The following BCAS3 variants were observed in gnomAD, a reference collection of about 807,000 sequenced individuals.
BCAS3 encodes BCAS3 microtubule associated cell migration factor.
Under a neutral mutation model 116.1 loss-of-function variants are expected in BCAS3, and 53 were observed. The observed-to-expected ratio is 0.46, with a 90% CI of 0.37 to 0.57. The LOEUF (loss-of-function observed/expected upper bound fraction) is 0.57, where lower values mean the gene tolerates loss of function less well. BCAS3 is among the 20% of genes least tolerant of loss of function. BCAS3 has a pLI of 0.00. For synonymous variants in BCAS3, 391 were observed against 408.2 expected, an observed-to-expected ratio of 0.96 and a Z score of 0.51; for missense variants, 917 against 1,165.4, an observed-to-expected ratio of 0.79 and a Z score of 3.10.
At chr17:60,874,635 C>T (rs771608528) in intron 8 of BCAS3, 27 bp from the exon 9 acceptor site, 5 of 1,530,774 alleles carry the variant, frequency 3.3e-6, no homozygotes, top group Admixed American at 3.5e-5. Context: ...TTTTTTCTTT[C>T]TGTTTTTTTT....
intron 22 of BCAS3, among the ~76,000 whole-genome samples, chr17:61,232,746 G>A (rs183329548): frequency 2.0e-5 from 3 of 152,060 alleles, no homozygotes; most frequent in Admixed American, 6.5e-5. Flanking sequence ...GCTCTTCGTC[G>A]GCCTCTTCAA....
At chr17:60,753,505 G>A (rs1025319657) in intron 6 of BCAS3, among the ~76,000 whole-genome samples, 1 of 151,722 alleles carries the variant, frequency 6.6e-6, no homozygotes, top group African/African-American at 2.4e-5. Flanking sequence ...TGCCTCCCGG[G>A]TTCCCGCCAT....
chr17:61,363,481 C>G lies in BCAS3; in HGVS notation c.2426-4846C>G, dbSNP rs149040357. 1.3e-5 allele frequency among the ~76,000 whole-genome samples: 2 copies of G among 152,020 alleles called. No individual in the cohort carries two copies. The highest frequency in any genetic ancestry group is 2.4e-5 in the African/African-American group (1 of 41,468). On this transcript the variant is annotated intron_variant, in intron 22 of 23. Transcript: ENST00000407086. The surrounding 1 kb of genome is among the most constrained non-coding windows in gnomAD (Gnocchi z 4.9). ...CCAGATGCCTCATGTCTCTGAAACT[C>G]AGTAAGATGGAAACCTATACAATGG...
At chr17:61,221,488 G>A (rs1249243627) in intron 22 of BCAS3, among the ~76,000 whole-genome samples, 1 of 152,166 alleles carries the variant, frequency 6.6e-6, no homozygotes, top group African/African-American at 2.4e-5. Flanking sequence ...ACCAGCAGAG[G>A]CATGACTTTA....
chr17:60,829,541 A>G (rs1464859690), intron 7 of BCAS3, among the ~76,000 whole-genome samples: 1 of 151,340 alleles, frequency 6.6e-6, no homozygotes, highest in East Asian at 1.9e-4. Context: ...GTTGGACAGG[A>G]CAGTGGTGTT....
chr17:61,301,220 T>C (rs770006744), intron 22 of BCAS3, among the ~76,000 whole-genome samples: 19 of 152,226 alleles, frequency 1.2e-4, no homozygotes, highest in Non-Finnish European at 1.8e-4. Context: ...AGCAGCAGAA[T>C]TGAATAGCTG....
rs1243516272 is a variant in BCAS3, at chr17:61,095,763, G to T, written c.2425+11199G>T. Among the ~76,000 whole-genome samples, 1 of 151,922 alleles carries T rather than the reference G, an allele frequency of 6.6e-6. No homozygotes were observed. Among genetic ancestry groups the T allele is most frequent in the Non-Finnish European group, 1.5e-5 (1 of 68,000 alleles). ...ATTACAGGTATTAGCCACCGCACCT[G>T]ACTGGGGTCCTGAGTTTTTTTAAGC... is the stretch of plus-strand genomic sequence containing the variant. On this transcript the variant is annotated intron_variant, in intron 22 of 23. Transcript: ENST00000407086. The surrounding 1 kb of genome is among the most constrained non-coding windows in gnomAD (Gnocchi z 4.7).
At chr17:61,240,608 T>C (rs1301244343) in intron 22 of BCAS3, among the ~76,000 whole-genome samples, 1 of 152,214 alleles carries the variant, frequency 6.6e-6, no homozygotes, top group Non-Finnish European at 1.5e-5. Context: ...GAGCTGAGAT[T>C]GTGCCACTGC....
In BCAS3 at chr17:61,141,356, G is replaced by C. The variant is rs1461487466; in HGVS notation, c.2425+56792G>C. 4.6e-5 allele frequency among the ~76,000 whole-genome samples: 7 copies of C among 152,096 alleles called. No homozygotes were observed. The highest frequency in any genetic ancestry group is 1.0e-4 in the Non-Finnish European group (7 of 68,012). ...GAGGACCGCTTGAGACCAGGAATTT[G>C]AGACCAGTCTGGGCAACATACCAAG... On this transcript the variant is annotated intron_variant, in intron 22 of 23. Transcript: ENST00000407086. This position sits in a 1 kb window ranked among gnomAD's most constrained non-coding sequence, Gnocchi z 4.3.
rs2066275540 is a variant in BCAS3 at position 61,026,773 on chromosome 17, C to A, written c.1638-7893C>A. On this transcript the variant is annotated intron_variant, in intron 16 of 23. Coordinates refer to ENST00000407086, the MANE Select transcript of BCAS3 (RefSeq NM_017679.5). This position sits in a 1 kb window ranked among gnomAD's most constrained non-coding sequence, Gnocchi z 5.0. Reference sequence around the variant, plus strand: ...TACTAATTTTTTAGTTATTTTTATCCATACTCTATAACAGTATGATATACT... The same window carrying A: ...TACTAATTTTTTAGTTATTTTTATCAATACTCTATAACAGTATGATATACT... 5.1e-6 allele frequency: 6 copies of A among 1,165,186 alleles called. No individual in the cohort carries two copies. The highest frequency in any genetic ancestry group is 1.5e-5 in the African/African-American group (1 of 64,790). 72.2% of individuals were successfully genotyped at this position (1,165,186 alleles called of 1,614,324 possible).
intron 4 of BCAS3, among the ~76,000 whole-genome samples, chr17:60,707,333 G>A (rs898955111): frequency 6.6e-6 from 1 of 152,078 alleles, no homozygotes; most frequent in Non-Finnish European, 1.5e-5. Flanking sequence ...TCGCCATGTT[G>A]CCCAGGCTGG....
chr17:61,340,018 C>T (rs895089034), intron 22 of BCAS3, among the ~76,000 whole-genome samples: 39 of 151,936 alleles, frequency 2.6e-4, no homozygotes, highest in African/African-American at 9.0e-4. Context: ...GAAACGGGGA[C>T]GACATTAACT....
intron 19 of BCAS3, among the ~76,000 whole-genome samples, chr17:61,055,715 C>A (rs1243277483): frequency 6.6e-6 from 1 of 151,700 alleles, no homozygotes; most frequent in East Asian, 1.9e-4. Context: ...ATTTTTTTTT[C>A]TCTGTTCTTA....
At position 61,249,245 on chromosome 17, in the gene BCAS3, C is replaced by T. The variant is rs897123951; in HGVS notation, c.2426-119082C>T. Among the ~76,000 whole-genome samples the T allele has an allele frequency of 5.3e-5, 8 of 152,156 alleles. No individual in the cohort carries two copies. The highest frequency in any genetic ancestry group is 1.9e-4 in the African/African-American group (8 of 41,424). On this transcript the variant is annotated intron_variant, in intron 22 of 23. Coordinates refer to ENST00000407086, the MANE Select transcript of BCAS3 (RefSeq NM_017679.5). The surrounding 1 kb of genome is among the most constrained non-coding windows in gnomAD (Gnocchi z 6.2). ...GAGGCTGCAGTGAGCCGAGATCACA[C>T]CACTGCACTCCAGCCTGGGCAACAA...
chr17:61,371,073 G>C (rs920934291), intron 23 of BCAS3, among the ~76,000 whole-genome samples: 1 of 152,176 alleles, frequency 6.6e-6, no homozygotes, highest in African/African-American at 2.4e-5. Flanking sequence ...TTAATGCTTT[G>C]CAGCAGGCAC....
rs556047105 is a variant in BCAS3 at position 60,979,195 on chromosome 17, G to T, written c.1222-10776G>T. Among the ~76,000 whole-genome samples the T allele has an allele frequency of 3.4e-4, 51 of 151,438 alleles. 2 individuals are homozygous for T. In the South Asian group the frequency reaches 0.011, roughly 32 times the overall value. ...TTATTTCCTCGAGCAGTGGTTTGTA[G>T]TTCTCCTTGAAGAGGTCCTTCACAT... is the stretch of plus-strand genomic sequence containing the variant. On this transcript the variant is annotated intron_variant, in intron 14 of 23. Coordinates refer to ENST00000407086, the MANE Select transcript of BCAS3 (RefSeq NM_017679.5).
chr17:60,709,965 T>C (rs2037649319), intron 5 of BCAS3, among the ~76,000 whole-genome samples: 1 of 152,208 alleles, frequency 6.6e-6, no homozygotes, highest in Non-Finnish European at 1.5e-5. Context: ...TAAATAATTA[T>C]CTTCCAGTAG....
intron 22 of BCAS3, among the ~76,000 whole-genome samples, chr17:61,142,046 C>A (rs890896093): frequency 2.6e-5 from 4 of 151,542 alleles, no homozygotes; most frequent in South Asian, 2.1e-4. Flanking sequence ...GATATATACA[C>A]CTTCTCATTT....
chr17:60,781,392 A>T (rs1048380020), intron 6 of BCAS3, among the ~76,000 whole-genome samples: 1 of 151,558 alleles, frequency 6.6e-6, no homozygotes, highest in Non-Finnish European at 1.5e-5. Flanking sequence ...TGAGATTAGG[A>T]GTTTGAGACC....
Sources: allele counts gnomAD v4.1 joint callset (sites outside exome capture counted in the v4.1 genomes callset), GRCh38; gene constraint gnomAD v4.1.1; non-coding constraint Gnocchi (gnomAD v3.1); transcripts MANE v1.5; gene names NCBI Gene and HGNC (gene_info 2026-07-23, HGNC 2026-07-21).